NRXN1: variants seen among roughly 807,000 people sequenced by gnomAD.
The protein encoded by NRXN1 is neurexin 1.
Under a neutral mutation model 150.9 loss-of-function variants are expected in NRXN1, and 39 were observed. That is an observed-to-expected ratio of 0.26 (90% CI 0.20 to 0.34). NRXN1 has a LOEUF of 0.34. Among genes scored for constraint, NRXN1 ranks in the 10% least tolerant of loss-of-function variants. The pLI, the probability that NRXN1 is intolerant of heterozygous loss-of-function variation, is 1.00. For synonymous variants in NRXN1, 924 were observed against 757.0 expected, an observed-to-expected ratio of 1.22 and a Z score of -3.62; for missense variants, 1,815 against 1,949.9, an observed-to-expected ratio of 0.93 and a Z score of 1.30.
At chr2:50,278,233 A>ATATGTATATTATATATATGTAT (rs1558436601) in intron 17 of NRXN1, among the ~76,000 whole-genome samples, 1 of 49,852 alleles carries the variant, frequency 2.0e-5, no homozygotes, top group Non-Finnish European at 4.5e-5. Context: ...TGGCTTTTAT[A>ATATGTATATTATATATATGTAT]TATATATAAT....
intron 22 of NRXN1, among the ~76,000 whole-genome samples, chr2:49,940,617 G>A (rs1310258995): frequency 6.6e-6 from 1 of 152,066 alleles, no homozygotes; most frequent in Non-Finnish European, 1.5e-5. Context: ...AAAAAAGTTG[G>A]AAAATAGGAA....
intron 5 of NRXN1, among the ~76,000 whole-genome samples, chr2:50,836,910 A>G (rs1424777253): frequency 6.6e-6 from 1 of 151,734 alleles, no homozygotes; most frequent in Non-Finnish European, 1.5e-5. Flanking sequence ...TGGTTTGTGT[A>G]AATTAAAAAA....
rs1421656696 is a variant in NRXN1 at position 50,347,569 on chromosome 2, T to G, written c.3365-110599A>C. On this transcript the variant is annotated intron_variant, in intron 17 of 22. Coordinates refer to ENST00000401669, the MANE Select transcript of NRXN1 (RefSeq NM_001330078.2). This position sits in a 1 kb window ranked among gnomAD's most constrained non-coding sequence, Gnocchi z 4.9. ...GCAGCGCGCGGAGCAGCGGCGCGCA[T>G]CGCCTGCTCCCGAGGCAATCTCCGC... 1 of 1,016,454 alleles carries G rather than the reference T, an allele frequency of 9.8e-7. No individual in the cohort carries two copies. The highest frequency in any genetic ancestry group is 1.2e-6 in the Non-Finnish European group (1 of 848,698). 63.0% of individuals were successfully genotyped at this position (1,016,454 alleles called of 1,614,324 possible).
At chr2:50,389,766 T>C (rs753637973) in intron 17 of NRXN1, among the ~76,000 whole-genome samples, 1 of 152,176 alleles carries the variant, frequency 6.6e-6, no homozygotes, top group African/African-American at 2.4e-5. Flanking sequence ...TTTGCCAATA[T>C]ACCTATGACC....
chr2:50,367,662 T>C (rs1171627824), intron 17 of NRXN1, among the ~76,000 whole-genome samples: 1 of 151,984 alleles, frequency 6.6e-6, no homozygotes, highest in Admixed American at 6.6e-5. Context: ...ATCTACCTTC[T>C]GACATGCAGA....
At chr2:50,743,243 C>T (rs1448679041) in intron 5 of NRXN1, among the ~76,000 whole-genome samples, 1 of 152,132 alleles carries the variant, frequency 6.6e-6, no homozygotes, top group Non-Finnish European at 1.5e-5. Flanking sequence ...GTTTGTACAA[C>T]TAAAATCTAA....
intron 18 of NRXN1, among the ~76,000 whole-genome samples, chr2:50,187,065 T>C (rs1441042420): frequency 6.6e-6 from 1 of 152,012 alleles, no homozygotes; most frequent in Non-Finnish European, 1.5e-5. Context: ...AAATCATAGT[T>C]AATAACATCA....
At chr2:50,154,542 A>G (rs1212242456) in intron 18 of NRXN1, among the ~76,000 whole-genome samples, 2 of 151,678 alleles carry the variant, frequency 1.3e-5, no homozygotes, top group Admixed American at 1.3e-4. Context: ...TAAAAAAAGG[A>G]CAGTTCTAAA....
At chr2:50,035,430 CA>C (rs1326835629) in intron 21 of NRXN1, among the ~76,000 whole-genome samples, 1 of 152,058 alleles carries the variant, frequency 6.6e-6, no homozygotes, top group Non-Finnish European at 1.5e-5. Flanking sequence ...CTCTCAAAAA[CA>C]TGCTGTTAAC....
At chr2:49,933,786 C>T (rs977925132) in intron 22 of NRXN1, among the ~76,000 whole-genome samples, 1 of 152,202 alleles carries the variant, frequency 6.6e-6, no homozygotes, top group Non-Finnish European at 1.5e-5. Flanking sequence ...ACAGAAGGTA[C>T]TGAATCAGCA....
chr2:50,579,437 G>T (rs1483522843), intron 8 of NRXN1, among the ~76,000 whole-genome samples: 6 of 152,300 alleles, frequency 3.9e-5, no homozygotes, highest in South Asian at 2.1e-4. Flanking sequence ...GAGGCAGGAG[G>T]ATTGCTTGAA....
At chr2:50,323,183 T>C (rs1354711881) in intron 17 of NRXN1, among the ~76,000 whole-genome samples, 1 of 152,166 alleles carries the variant, frequency 6.6e-6, no homozygotes, top group East Asian at 1.9e-4. Flanking sequence ...TAATACATTA[T>C]AATAGTAGCT....
At chr2:50,700,075 T>G (rs749527636) in intron 5 of NRXN1, among the ~76,000 whole-genome samples, 3 of 152,170 alleles carry the variant, frequency 2.0e-5, no homozygotes, top group Non-Finnish European at 4.4e-5. Flanking sequence ...GTTCCTTTAG[T>G]TGTTCTGAAT....
intron 17 of NRXN1, among the ~76,000 whole-genome samples, chr2:50,237,702 C>T (rs1456373335): frequency 1.3e-5 from 2 of 151,838 alleles, no homozygotes; most frequent in African/African-American, 4.8e-5. Flanking sequence ...CAAATTTTAC[C>T]TTATGGTTGT....
chr2:50,343,870 G>T (rs531688658), intron 17 of NRXN1, among the ~76,000 whole-genome samples: 1 of 152,136 alleles, frequency 6.6e-6, no homozygotes, highest in African/African-American at 2.4e-5. Context: ...AATGTCTTAC[G>T]ATTCACAGAA....
chr2:51,002,420 T>A (rs971563650), intron 2 of NRXN1, among the ~76,000 whole-genome samples: 1 of 151,970 alleles, frequency 6.6e-6, no homozygotes, highest in East Asian at 1.9e-4. Context: ...TTCAATATTG[T>A]GAGAGTTTTG....
At chr2:50,139,186 C>T (rs916321392) in intron 18 of NRXN1, among the ~76,000 whole-genome samples, 16 of 151,924 alleles carry the variant, frequency 1.1e-4, no homozygotes, top group Non-Finnish European at 2.4e-4. Flanking sequence ...ATTAGCCGGG[C>T]GTGGTGGCGT....
intron 5 of NRXN1, among the ~76,000 whole-genome samples, chr2:50,775,350 A>C (rs1031853305): frequency 6.6e-6 from 1 of 152,050 alleles, no homozygotes; most frequent in African/African-American, 2.4e-5. Context: ...CCATTCTAAC[A>C]ATTTCTTCCC....
Position 50,346,844 on chromosome 2 carries a change from T to C in NRXN1, c.3365-109874A>G. 2 of 1,601,416 alleles carry C rather than the reference T, an allele frequency of 1.2e-6. No homozygotes were observed. The highest frequency in any genetic ancestry group is 8.5e-7 in the Non-Finnish European group (1 of 1,174,402). On this transcript the variant is annotated intron_variant, in intron 17 of 22. Transcript: ENST00000401669. This position sits in a 1 kb window ranked among gnomAD's most constrained non-coding sequence, Gnocchi z 5.0. ...AGGCCGCTGAGGGTGAGCGGGACTATCCAAAGCAGGGCCAGGCGCCCCCCT... is the reference window on the plus strand; with the variant it reads ...AGGCCGCTGAGGGTGAGCGGGACTACCCAAAGCAGGGCCAGGCGCCCCCCT...
Sources: gnomAD v4.1 joint callset for allele counts (sites outside exome capture counted in the v4.1 genomes callset) on GRCh38, gnomAD v4.1.1 for gene constraint, Gnocchi (gnomAD v3.1) non-coding constraint, MANE v1.5 for transcripts, NCBI Gene and HGNC (gene_info 2026-07-23, HGNC 2026-07-21) for gene names.